Variants in ERBB4 observed in about 807,000 individuals in gnomAD.
ERBB4 encodes erb-b2 receptor tyrosine kinase 4, also known as receptor tyrosine-protein kinase erbB-4.
ERBB4 carries 42 observed loss-of-function variants against 158.0 expected under a neutral mutation model. The ratio of observed to expected loss-of-function variants is 0.27; its 90% CI spans 0.21 to 0.34. The LOEUF (loss-of-function observed/expected upper bound fraction) is 0.34, where lower values mean the gene tolerates loss of function less well. ERBB4 is among the 10% of genes least tolerant of loss of function. The pLI is 1.00. For missense variants in ERBB4, 1,333 were observed against 1,624.1 expected (o/e 0.82, Z 3.08); for synonymous variants, 583 against 558.7 (o/e 1.04, Z -0.61).
chr2:211,897,703 T>C (rs1037218788), intron 3 of ERBB4, among the ~76,000 whole-genome samples: 1 of 152,000 alleles, frequency 6.6e-6, no homozygotes, highest in Non-Finnish European at 1.5e-5. Context: ...TTTTTTTAAA[T>C]GGGGAAGATT....
intron 1 of ERBB4, among the ~76,000 whole-genome samples, chr2:212,478,051 C>T (rs1196089593): frequency 6.6e-6 from 1 of 152,018 alleles, no homozygotes; most frequent in Non-Finnish European, 1.5e-5. Flanking sequence ...CCAGTAACAT[C>T]CAAAGAGAAT....
intron 2 of ERBB4, among the ~76,000 whole-genome samples, chr2:212,070,246 G>A (rs369194425): frequency 2.6e-5 from 4 of 152,002 alleles, no homozygotes; most frequent in African/African-American, 9.6e-5. Context: ...CCAAATTAAA[G>A]GCATATGTTT....
intron 2 of ERBB4, among the ~76,000 whole-genome samples, chr2:212,032,066 G>C (rs1258917940): frequency 6.6e-6 from 1 of 152,034 alleles, no homozygotes; most frequent in Non-Finnish European, 1.5e-5. Context: ...AGAAAAATAT[G>C]CTGTAAATCC....
At chr2:211,632,810 T>C (rs2070195123) in intron 16 of ERBB4, among the ~76,000 whole-genome samples, 1 of 152,086 alleles carries the variant, frequency 6.6e-6, no homozygotes, top group African/African-American at 2.4e-5. Flanking sequence ...AGAATTTACT[T>C]TCAGTATTTT....
intron 1 of ERBB4, among the ~76,000 whole-genome samples, chr2:212,431,156 CCT>C (rs2092018632): frequency 2.0e-5 from 3 of 151,780 alleles, no homozygotes; most frequent in Admixed American, 2.0e-4. Flanking sequence ...TGCTACTCAG[CCT>C]CTCTGTTTGG....
chr2:212,274,291 C>A (rs1216424420), intron 1 of ERBB4, among the ~76,000 whole-genome samples: 1 of 151,826 alleles, frequency 6.6e-6, no homozygotes, highest in Non-Finnish European at 1.5e-5. Context: ...GGGAGCACTT[C>A]CAGCATCACT....
chr2:211,656,913 A>G (rs1037423415), intron 16 of ERBB4, among the ~76,000 whole-genome samples: 13 of 152,188 alleles, frequency 8.5e-5, no homozygotes, highest in African/African-American at 3.1e-4. Flanking sequence ...AAAAGCCACT[A>G]CAAACATTAG....
rs952337389 is a variant in ERBB4 at position 212,221,607 on chromosome 2, G to A, written c.83-96704C>T. On this transcript the variant is annotated intron_variant, in intron 1 of 27. Transcript: ENST00000342788. The stretch of plus-strand genomic sequence containing the variant: ...CTCATTTAAAGGTCCTCCCCCTGTT[G>A]CCATGAAGATTTGCTGAGCAAAGAG... Among the ~76,000 whole-genome samples, 9 of 151,598 alleles carry A rather than the reference G, an allele frequency of 5.9e-5. No individual in the cohort carries two copies. The East Asian group carries it at 7.8e-4, about 13-fold the overall frequency.
chr2:212,423,568 G>C (rs1448623631), intron 1 of ERBB4, among the ~76,000 whole-genome samples: 1 of 152,128 alleles, frequency 6.6e-6, no homozygotes, highest in East Asian at 1.9e-4. Context: ...CATATAAGTT[G>C]TCTGCTGTAT....
At chr2:212,122,686 G>A (rs1024419414) in intron 2 of ERBB4, among the ~76,000 whole-genome samples, 1 of 151,752 alleles carries the variant, frequency 6.6e-6, no homozygotes, top group Admixed American at 6.6e-5. Flanking sequence ...ATATCTACAT[G>A]CTACTTTCAT....
At chr2:211,762,480 G>A (rs2075440081) in intron 4 of ERBB4, among the ~76,000 whole-genome samples, 1 of 152,174 alleles carries the variant, frequency 6.6e-6, no homozygotes, top group East Asian at 1.9e-4. Context: ...GAAAAAGAAG[G>A]CAGGAAATAT....
At chr2:212,381,552 T>C (rs887817758) in intron 1 of ERBB4, among the ~76,000 whole-genome samples, 5 of 151,328 alleles carry the variant, frequency 3.3e-5, no homozygotes, top group Non-Finnish European at 5.9e-5. Context: ...AATTGCAGCC[T>C]GTCTTCAAAT....
chr2:211,857,389 T>C (rs991315558), intron 3 of ERBB4, among the ~76,000 whole-genome samples: 2 of 152,138 alleles, frequency 1.3e-5, no homozygotes, highest in African/African-American at 4.8e-5. Context: ...GAAATTCTGC[T>C]CCTAAAAGTC....
At chr2:211,659,697 TA>T (rs1344262288) in intron 15 of ERBB4, among the ~76,000 whole-genome samples, 1 of 152,114 alleles carries the variant, frequency 6.6e-6, no homozygotes, top group Non-Finnish European at 1.5e-5. Context: ...ACTCATTCAT[TA>T]AAAAAAGCAC....
chr2:211,698,820 C>T (rs2073121648), intron 12 of ERBB4, among the ~76,000 whole-genome samples: 1 of 152,078 alleles, frequency 6.6e-6, no homozygotes, highest in Non-Finnish European at 1.5e-5. Flanking sequence ...CTTTTATAAA[C>T]CTACTCTAAA....
At chr2:212,204,062 CTTTAA>C (rs1029601822) in intron 1 of ERBB4, among the ~76,000 whole-genome samples, 4 of 152,170 alleles carry the variant, frequency 2.6e-5, no homozygotes, top group Admixed American at 6.5e-5. Context: ...CATTAAATCA[CTTTAA>C]TTTAAATATT....
chr2:211,647,944 C>T (rs564820575), intron 16 of ERBB4, among the ~76,000 whole-genome samples: 3 of 151,792 alleles, frequency 2.0e-5, no homozygotes, highest in Admixed American at 6.6e-5. Flanking sequence ...CCGTACTATA[C>T]CTTTCTCTTC....
chr2:212,538,210 C>CA (rs1367080048), intron 1 of ERBB4, among the ~76,000 whole-genome samples: 1 of 151,098 alleles, frequency 6.6e-6, no homozygotes, highest in Non-Finnish European at 1.5e-5. Flanking sequence ...GAAAGAAAAG[C>CA]AGGGGGTTAA....
intron 1 of ERBB4, among the ~76,000 whole-genome samples, chr2:212,291,378 T>C (rs2086200126): frequency 6.6e-6 from 1 of 152,270 alleles, no homozygotes; most frequent in South Asian, 2.1e-4. Flanking sequence ...AGCTTTAGCA[T>C]AATCCTATCA....
Sources: gnomAD v4.1 joint callset for allele counts (sites outside exome capture counted in the v4.1 genomes callset) on GRCh38, gnomAD v4.1.1 for gene constraint, MANE v1.5 for transcripts, NCBI Gene and HGNC (gene_info 2026-07-23, HGNC 2026-07-21) for gene names.